JMY: variants seen among roughly 807,000 people sequenced by gnomAD.
The protein encoded by JMY is junction mediating and regulatory protein, p53 cofactor.
A neutral mutation model predicts 103.3 loss-of-function variants in JMY; 46 were observed. The ratio of observed to expected loss-of-function variants is 0.45; its 90% confidence interval spans 0.35 to 0.57. JMY has a LOEUF of 0.57. JMY is among the 20% of genes least tolerant of loss of function. JMY has a pLI of 0.00. For missense variants in JMY, 1,238 were observed against 1,255.2 expected (o/e 0.99, Z 0.21); for synonymous variants, 526 against 489.3 (o/e 1.07, Z -0.99).
At position 79,236,416 on chromosome 5, in the gene JMY, C is replaced by G; in HGVS notation, c.-235C>G. 2.7e-6 allele frequency: 1 copy of G among 368,028 alleles called. No homozygotes were observed. The allele number at this position is 368,028 out of a possible 1,614,324, so 22.8% of individuals were successfully genotyped here. On this transcript the variant is annotated 5_prime_UTR_variant, in exon 1 of 11. Transcript: ENST00000396137. The stretch of plus-strand genomic sequence containing the variant: ...GTAAACAGATCCGGCCGCAGGTGAC[C>G]ATGTGAACTACCTGCTCCCGGGACG...
chr5:79,277,882 T>G (rs765266744), intron 1 of JMY, 28 bp from the exon 2 acceptor site: 40 of 1,587,786 alleles, frequency 2.5e-5, no homozygotes, highest in Non-Finnish European at 2.8e-5. Flanking sequence ...ATTGATTTTC[T>G]TAGTTGTGAA....
intron 1 of JMY, among the ~76,000 whole-genome samples, chr5:79,251,724 A>G (rs1157060417): frequency 2.0e-5 from 3 of 148,522 alleles, no homozygotes; most frequent in Non-Finnish European, 3.0e-5. Context: ...CTCTATTTCA[A>G]TTGTCTATTT....
chr5:79,280,163 A>G (rs1746066558), intron 2 of JMY, among the ~76,000 whole-genome samples: 1 of 152,180 alleles, frequency 6.6e-6, no homozygotes, highest in South Asian at 2.1e-4. Flanking sequence ...GTTTCTTTAA[A>G]TGAATCATGG....
intron 1 of JMY, among the ~76,000 whole-genome samples, chr5:79,268,466 CTT>C (rs570524745): frequency 3.3e-5 from 5 of 151,830 alleles, no homozygotes; most frequent in Non-Finnish European, 7.4e-5. Flanking sequence ...TGTTGAGCAT[CTT>C]TTTATTTATT....
intron 2 of JMY, among the ~76,000 whole-genome samples, chr5:79,286,270 A>T (rs1475052708): frequency 6.6e-6 from 1 of 152,218 alleles, no homozygotes; most frequent in Non-Finnish European, 1.5e-5. Context: ...AAAGGTAAAG[A>T]CATTAATCCA....
intron 4 of JMY, 95 bp from the exon 5 acceptor site, chr5:79,300,058 G>A (rs773049381): frequency 9.6e-6 from 9 of 942,204 alleles, no homozygotes; most frequent in Non-Finnish European, 1.3e-5. Flanking sequence ...TTACTTAATA[G>A]GTTTATGCTA....
At chr5:79,239,900 A>G (rs1744681299) in intron 1 of JMY, among the ~76,000 whole-genome samples, 1 of 152,098 alleles carries the variant, frequency 6.6e-6, no homozygotes, top group African/African-American at 2.4e-5. Context: ...CTCTCAAAAA[A>G]TATAATTTTC....
chr5:79,255,126 T>C (rs1745200669), intron 1 of JMY, among the ~76,000 whole-genome samples: 1 of 127,994 alleles, frequency 7.8e-6, no homozygotes, highest in Admixed American at 7.9e-5. Context: ...TATCTCTCTC[T>C]CCTTTTTTTT....
At chr5:79,273,546 A>G (rs1231937915) in intron 1 of JMY, among the ~76,000 whole-genome samples, 2 of 152,224 alleles carry the variant, frequency 1.3e-5, no homozygotes, top group African/African-American at 4.8e-5. Flanking sequence ...TTGCATGTGT[A>G]GATTTATGTC....
rs1057025958 is a variant in JMY, at chr5:79,312,284, A to T, written c.1969-119A>T. On this transcript the variant is annotated intron_variant, in intron 7 of 10. Transcript: ENST00000396137. Reference sequence around the variant, plus strand: ...TATTTCATGTTTCATGAACAAAAAAAAATTTTGTTCAGTGAATCATCCCCT... The same window carrying T: ...TATTTCATGTTTCATGAACAAAAAATAATTTTGTTCAGTGAATCATCCCCT... 3.7e-5 allele frequency: 18 copies of T among 486,924 alleles called. No individual in the cohort carries two copies. The East Asian group carries it at 6.0e-4, about 16-fold the overall frequency. 30.2% of individuals were successfully genotyped at this position (486,924 alleles called of 1,614,324 possible). A position where few individuals can be genotyped will look rare whatever the true frequency, so the allele number is the denominator to read the frequency against.
At chr5:79,258,955 A>G (rs564865835) in intron 1 of JMY, among the ~76,000 whole-genome samples, 4 of 152,184 alleles carry the variant, frequency 2.6e-5, no homozygotes, top group African/African-American at 7.2e-5. Flanking sequence ...AATGAAGTAC[A>G]CAGACAAGAG....
intron 2 of JMY, among the ~76,000 whole-genome samples, chr5:79,281,518 A>G (rs550855690): frequency 1.1e-3 from 167 of 152,134 alleles, no homozygotes; most frequent in African/African-American, 3.9e-3. Context: ...CCCCTATTGT[A>G]TATGTGTTTC....
chr5:79,255,655 C>T (rs1282286196), intron 1 of JMY, among the ~76,000 whole-genome samples: 2 of 152,142 alleles, frequency 1.3e-5, no homozygotes, highest in Non-Finnish European at 2.9e-5. Flanking sequence ...CACCCCAAGC[C>T]CAATATTGCT....
intron 2 of JMY, among the ~76,000 whole-genome samples, chr5:79,282,447 A>G (rs563594349): frequency 8.3e-4 from 127 of 152,344 alleles, no homozygotes; most frequent in Non-Finnish European, 1.5e-3. Context: ...TTATATCTCA[A>G]TAAACGTGAT....
intron 8 of JMY, 119 bp from the exon 9 acceptor site, chr5:79,314,138 C>T (rs1243526594): frequency 3.1e-5 from 46 of 1,466,320 alleles, no homozygotes; most frequent in Admixed American, 2.8e-4. Flanking sequence ...GGATTACAGG[C>T]GTGAGCCACC....
At chr5:79,248,880 T>G (rs1026571638) in intron 1 of JMY, among the ~76,000 whole-genome samples, 1 of 152,166 alleles carries the variant, frequency 6.6e-6, no homozygotes, top group African/African-American at 2.4e-5. Flanking sequence ...CGCCTCAGTC[T>G]CTGGAGTAGC....
chr5:79,257,597 G>C (rs1428723256), intron 1 of JMY, among the ~76,000 whole-genome samples: 2 of 152,144 alleles, frequency 1.3e-5, no homozygotes, highest in Non-Finnish European at 2.9e-5. Context: ...GCGTGACCCT[G>C]TCTCAAACAA....
chr5:79,270,551 T>C (rs1226562067), intron 1 of JMY, among the ~76,000 whole-genome samples: 1 of 135,178 alleles, frequency 7.4e-6, no homozygotes, highest in East Asian at 2.0e-4. Flanking sequence ...TTAAAATGTA[T>C]ATTTACATAA....
Position 79,316,202 on chromosome 5 carries a change from C to A in JMY, c.2862C>A (p.Asp954Glu). The change falls in exon 10 of 11, where the codon GAC (aspartate) becomes GAA (glutamate). Residue 954 changes from aspartate to glutamate, a missense_variant. Transcript: ENST00000396137. ...CCTTCACACTTCTACCCGATACAGACCCTCTAACACGGAGCATCCATGAAG... is the reference window on the plus strand; with the variant it reads ...CCTTCACACTTCTACCCGATACAGAACCTCTAACACGGAGCATCCATGAAG... ...RESFTLLPDT[D>E]PLTRSIHEAL... is the part of the protein sequence containing the mutation. 1 of 1,613,954 alleles carries A rather than the reference C, an allele frequency of 6.2e-7. No individual in the cohort carries two copies. The highest frequency in any genetic ancestry group is 8.5e-7 in the Non-Finnish European group (1 of 1,179,844).
Sources: allele counts gnomAD v4.1 joint callset (sites outside exome capture counted in the v4.1 genomes callset), GRCh38; gene constraint gnomAD v4.1.1; transcripts MANE v1.5; gene names NCBI Gene and HGNC (gene_info 2026-07-23, HGNC 2026-07-21).